Variants in ACOXL observed in about 807,000 individuals in gnomAD.
ACOXL encodes the protein acyl-CoA oxidase like.
ACOXL carries 70 observed loss-of-function variants against 71.9 expected under a neutral mutation model. That is an observed-to-expected ratio of 0.97 (90% CI 0.80 to 1.19). ACOXL has a LOEUF of 1.19. ACOXL is among the 50% of genes most tolerant of loss of function. ACOXL has a pLI of 0.00. For missense variants in ACOXL, 703 were observed against 736.3 expected (o/e 0.95, Z 0.52); for synonymous variants, 253 against 281.6 (o/e 0.90, Z 1.02).
At chr2:110,844,579 G>C (rs1348299739) in intron 10 of ACOXL, among the ~76,000 whole-genome samples, 6 of 130,156 alleles carry the variant, frequency 4.6e-5, no homozygotes. Flanking sequence ...ACAGAGTCTT[G>C]CTCTGTCATC....
chr2:111,032,612 T>G (rs989715007), intron 15 of ACOXL, among the ~76,000 whole-genome samples: 1 of 152,186 alleles, frequency 6.6e-6, no homozygotes, highest in Non-Finnish European at 1.5e-5. Flanking sequence ...TATGGGATTT[T>G]TCATCACACT....
At chr2:110,747,951 A>G (rs72830980) in intron 1 of ACOXL, among the ~76,000 whole-genome samples, 8,203 of 152,022 alleles carry the variant, frequency 0.054, 355 homozygotes, top group African/African-American at 0.11. Context: ...TCTGCAGAGG[A>G]ATATGGTTCT....
intron 12 of ACOXL, among the ~76,000 whole-genome samples, chr2:110,937,213 C>T (rs1020855052): frequency 1.3e-5 from 2 of 152,180 alleles, no homozygotes; most frequent in Non-Finnish European, 2.9e-5. Flanking sequence ...CATGGCTTGG[C>T]ATTTCTGATG....
At chr2:110,855,329 A>C (rs1241895573) in intron 10 of ACOXL, among the ~76,000 whole-genome samples, 1 of 152,146 alleles carries the variant, frequency 6.6e-6, no homozygotes, top group Admixed American at 6.5e-5. Context: ...GGGTGTTACT[A>C]ATTTTGTTTT....
intron 10 of ACOXL, among the ~76,000 whole-genome samples, chr2:110,890,784 G>A (rs1208245452): frequency 2.0e-5 from 3 of 151,926 alleles, no homozygotes; most frequent in African/African-American, 7.3e-5. Flanking sequence ...GATTGCTCTG[G>A]CTCTCCTGGG....
At chr2:111,092,255 A>T (rs1199273797) in intron 16 of ACOXL, among the ~76,000 whole-genome samples, 2 of 152,142 alleles carry the variant, frequency 1.3e-5, no homozygotes, top group Non-Finnish European at 2.9e-5. Flanking sequence ...GAATATCGAG[A>T]GTTACGTGAA....
intron 13 of ACOXL, among the ~76,000 whole-genome samples, chr2:110,987,879 G>C (rs2062999731): frequency 6.6e-6 from 1 of 152,014 alleles, no homozygotes; most frequent in South Asian, 2.1e-4. Context: ...TTGATATTTT[G>C]CATGATGCTG....
At chr2:110,984,299 T>C (rs2062838803) in intron 12 of ACOXL, among the ~76,000 whole-genome samples, 1 of 152,190 alleles carries the variant, frequency 6.6e-6, no homozygotes, top group African/African-American at 2.4e-5. Flanking sequence ...TAGTATATTA[T>C]AATATATTCA....
chr2:111,049,482 A>C (rs987449474), intron 16 of ACOXL, among the ~76,000 whole-genome samples, 194 bp downstream of exon 16: 8 of 152,312 alleles, frequency 5.3e-5, no homozygotes, highest in African/African-American at 1.4e-4. Flanking sequence ...AGTGCGGGAA[A>C]GTGACAGGAG....
intron 16 of ACOXL, among the ~76,000 whole-genome samples, chr2:111,071,885 A>T (rs1490882280): frequency 6.6e-6 from 1 of 152,040 alleles, no homozygotes; most frequent in East Asian, 1.9e-4. Context: ...CCTGTGGGGA[A>T]CTCCAAGATA....
At chr2:110,987,005 A>G (rs965209002) in intron 12 of ACOXL, 103 bp from the exon 13 acceptor site, 2 of 930,046 alleles carry the variant, frequency 2.2e-6, no homozygotes, top group African/African-American at 1.6e-5. Context: ...ATTCCTTCCA[A>G]GGAGTTTGCT....
At chr2:110,933,711 G>T in intron 12 of ACOXL, 69 bp downstream of exon 12, 1 of 1,501,352 alleles carries the variant, frequency 6.7e-7, no homozygotes. Context: ...GCACTGTGGG[G>T]CGGGCAGATA....
chr2:110,757,207 A>G (rs1367577477), intron 1 of ACOXL, among the ~76,000 whole-genome samples: 2 of 152,202 alleles, frequency 1.3e-5, no homozygotes, highest in African/African-American at 4.8e-5. Context: ...CAACTTGTCC[A>G]TGTTCCTGCA....
chr2:110,893,408 ATTTTACTT>A (rs1446684906), intron 10 of ACOXL, among the ~76,000 whole-genome samples: 1 of 152,178 alleles, frequency 6.6e-6, no homozygotes, highest in African/African-American at 2.4e-5. Flanking sequence ...ATGAGATAAT[ATTTTACTT>A]TGTTGAATTA....
chr2:111,000,786 A>G (rs1413122229), intron 14 of ACOXL, among the ~76,000 whole-genome samples: 5 of 152,174 alleles, frequency 3.3e-5, no homozygotes, highest in Non-Finnish European at 5.9e-5. Context: ...CACTAGTCAT[A>G]TTGGATCAGG....
At chr2:110,964,113 A>G (rs1200502704) in intron 12 of ACOXL, among the ~76,000 whole-genome samples, 1 of 152,158 alleles carries the variant, frequency 6.6e-6, no homozygotes, top group Non-Finnish European at 1.5e-5. Context: ...TCTCAATCCA[A>G]TCGGCTCATG....
At chr2:110,898,184 T>TC (rs35629884) in intron 10 of ACOXL, among the ~76,000 whole-genome samples, 99,761 of 151,934 alleles carry the variant, frequency 0.66, 33,246 homozygotes, top group South Asian at 0.76. Flanking sequence ...ATAGCAACAG[T>TC]CTATACAACT....
intron 16 of ACOXL, among the ~76,000 whole-genome samples, chr2:111,082,865 T>A (rs971013608): frequency 1.3e-5 from 2 of 152,166 alleles, no homozygotes; most frequent in African/African-American, 4.8e-5. Flanking sequence ...TAAAAAAGGA[T>A]GAGTTAATGA....
chr2:110,750,314 T>C (rs1016951748), intron 1 of ACOXL, among the ~76,000 whole-genome samples: 19 of 152,308 alleles, frequency 1.2e-4, no homozygotes, highest in African/African-American at 4.1e-4. Flanking sequence ...AACATGTTTA[T>C]TTTATATTTT....
Sources: allele counts gnomAD v4.1 joint callset (sites outside exome capture counted in the v4.1 genomes callset), GRCh38; gene constraint gnomAD v4.1.1; transcripts MANE v1.5; gene names NCBI Gene and HGNC (gene_info 2026-07-23, HGNC 2026-07-21).